Variants in GLRA2 observed in about 807,000 individuals in gnomAD.
GLRA2 encodes glycine receptor subunit alpha-2.
Under a neutral mutation model 31.6 loss-of-function variants are expected in GLRA2, and 11 were observed. The observed-to-expected ratio is 0.35, with a 90% confidence interval of 0.22 to 0.58. The LOEUF (loss-of-function observed/expected upper bound fraction) is 0.58. GLRA2 is among the 20% of genes least tolerant of loss of function. The pLI is 0.84. For synonymous variants in GLRA2, 132 were observed against 134.0 expected (o/e 0.99, Z 0.10); for missense variants, 212 against 351.8 (o/e 0.60, Z 3.18).
chrX:14,470,286 C>T, the GLRA2 span, among the ~76,000 whole-genome samples: 1 of 111,743 alleles, frequency 8.9e-6, no homozygotes, highest in East Asian at 2.8e-4. Flanking sequence ...AAATTAGCTT[C>T]ATAGTAATGG....
At chrX:14,464,768 G>T in the GLRA2 span, among the ~76,000 whole-genome samples, 1 of 111,007 alleles carries the variant, frequency 9.0e-6, no homozygotes, top group Admixed American at 9.6e-5. Context: ...TGTTAGCCAG[G>T]ATGGTCTCGA....
chrX:14,666,845 G>A (rs568920940), intron 7 of GLRA2, among the ~76,000 whole-genome samples: 26 of 111,999 alleles, frequency 2.3e-4, no homozygotes, highest in African/African-American at 6.2e-4. Context: ...GCTAGGAAGA[G>A]GCAAGACAGG....
At chrX:14,646,158 C>T (rs189919045) in intron 7 of GLRA2, among the ~76,000 whole-genome samples, 34 of 112,247 alleles carry the variant, frequency 3.0e-4, no homozygotes, top group African/African-American at 1.1e-3. Context: ...ATGGTGAAGA[C>T]ACTGCTATTA....
At chrX:14,621,495 G>T (rs948018061) in intron 7 of GLRA2, among the ~76,000 whole-genome samples, 7 of 110,636 alleles carry the variant, frequency 6.3e-5, no homozygotes, top group African/African-American at 2.3e-4. Context: ...GTATTTCTCC[G>T]AATGCTATCC....
intron 2 of GLRA2, among the ~76,000 whole-genome samples, chrX:14,535,395 A>T (rs1234480334): frequency 1.8e-5 from 2 of 111,960 alleles, no homozygotes; most frequent in Non-Finnish European, 3.8e-5. Flanking sequence ...GGGCATATAT[A>T]TAAGAAGGAA....
At chrX:14,671,528 A>AC (rs112315914) in intron 7 of GLRA2, among the ~76,000 whole-genome samples, 32,370 of 110,911 alleles carry the variant, frequency 0.29, 3,616 homozygotes, top group Non-Finnish European at 0.35. Flanking sequence ...TTCTCTTCAG[A>AC]TTGCCCCAAC....
At chrX:14,576,321 C>T (rs1380731815) in intron 3 of GLRA2, among the ~76,000 whole-genome samples, 1 of 111,063 alleles carries the variant, frequency 9.0e-6, no homozygotes, top group Non-Finnish European at 1.9e-5. Flanking sequence ...AAAAATTTAC[C>T]TAAATAGGAT....
At chrX:14,488,010 C>T in the GLRA2 span, among the ~76,000 whole-genome samples, 1 of 111,476 alleles carries the variant, frequency 9.0e-6, no homozygotes, top group South Asian at 3.8e-4. Flanking sequence ...AAAACCCTGC[C>T]CTCATGTTCC....
intron 4 of GLRA2, among the ~76,000 whole-genome samples, chrX:14,595,641 A>T (rs1039806083): frequency 9.0e-6 from 1 of 111,505 alleles, no homozygotes. Context: ...GCATCAAGTC[A>T]TGCTTCTCTG....
chrX:14,605,666 T>A (rs2147093141), intron 5 of GLRA2, among the ~76,000 whole-genome samples: 1 of 112,116 alleles, frequency 8.9e-6, no homozygotes, highest in East Asian at 2.8e-4. Context: ...AGTCCTGGCA[T>A]GAATAATGAA....
At chrX:14,627,792 TG>T (rs1313492651) in intron 7 of GLRA2, among the ~76,000 whole-genome samples, 2 of 111,905 alleles carry the variant, frequency 1.8e-5, no homozygotes, top group Non-Finnish European at 3.8e-5. Flanking sequence ...CACCTAATAA[TG>T]TTTCTTGCCC....
At chrX:14,609,907 A>G (rs991333876) in intron 7 of GLRA2, among the ~76,000 whole-genome samples, 2 of 111,219 alleles carry the variant, frequency 1.8e-5, no homozygotes, top group Admixed American at 9.6e-5. Flanking sequence ...AGCACCTCAA[A>G]TAATAATCCA....
intron 8 of GLRA2, among the ~76,000 whole-genome samples, chrX:14,705,134 C>A (rs1243708976): frequency 3.6e-5 from 4 of 112,245 alleles, no homozygotes; most frequent in African/African-American, 1.3e-4. Flanking sequence ...GTAATGAAAA[C>A]TACATTCTTT....
intron 7 of GLRA2, among the ~76,000 whole-genome samples, chrX:14,667,463 A>G (rs779797561): frequency 8.9e-6 from 1 of 112,018 alleles, no homozygotes; most frequent in South Asian, 3.7e-4. Context: ...GTTCTAATTA[A>G]ACTGTATTTG....
intron 7 of GLRA2, among the ~76,000 whole-genome samples, chrX:14,611,313 C>T: frequency 8.8e-6 from 1 of 113,102 alleles, no homozygotes; most frequent in Middle Eastern, 4.6e-3. Context: ...GCACATTACA[C>T]TTTAAAAGTA....
chrX:14,566,161 TAAGAG>T (rs1386837153), intron 2 of GLRA2, among the ~76,000 whole-genome samples: 2 of 111,783 alleles, frequency 1.8e-5, no homozygotes, highest in African/African-American at 6.5e-5. Context: ...AAAAGAACTT[TAAGAG>T]AAGATTACGA....
the GLRA2 span, among the ~76,000 whole-genome samples, chrX:14,485,008 T>G: frequency 8.9e-6 from 1 of 112,623 alleles, no homozygotes; most frequent in Non-Finnish European, 1.9e-5. Flanking sequence ...GCACTTGGTC[T>G]TAAAAATGTT....
At chrX:14,620,419 C>A (rs2090502490) in intron 7 of GLRA2, among the ~76,000 whole-genome samples, 1 of 109,917 alleles carries the variant, frequency 9.1e-6, no homozygotes, top group Non-Finnish European at 1.9e-5. Flanking sequence ...AAGGTACAGC[C>A]CCACACTCTT....
chrX:14,716,465 G>C (rs899475679), intron 8 of GLRA2, among the ~76,000 whole-genome samples: 4 of 111,778 alleles, frequency 3.6e-5, no homozygotes, highest in African/African-American at 9.8e-5. Flanking sequence ...TGAGGGAAGA[G>C]ATTGATCCAG....
Sources: allele counts gnomAD v4.1 joint callset (sites outside exome capture counted in the v4.1 genomes callset), GRCh38; gene constraint gnomAD v4.1.1; transcripts MANE v1.5; gene names NCBI Gene and HGNC (gene_info 2026-07-23, HGNC 2026-07-21).